The following RAB11B variants were observed in gnomAD, a reference collection of about 807,000 sequenced individuals.
RAB11B encodes the protein ras-related protein Rab-11B.
A neutral mutation model predicts 23.7 loss-of-function variants in RAB11B; 7 were observed. The observed-to-expected ratio is 0.29, with a 90% CI of 0.17 to 0.55. The LOEUF (loss-of-function observed/expected upper bound fraction) is 0.55. Among genes scored for constraint, RAB11B ranks in the 20% least tolerant of loss-of-function variants. The pLI is 0.93. For synonymous variants in RAB11B, 138 were observed against 132.0 expected (o/e 1.05, Z -0.31); for missense variants, 189 against 320.0 (o/e 0.59, Z 3.12).
chr19:8,400,673 G>A (rs1253518261), intron 2 of RAB11B, among the ~76,000 whole-genome samples: 12 of 150,188 alleles, frequency 8.0e-5, no homozygotes, highest in Non-Finnish European at 1.5e-4. Context: ...TGCAACCTCC[G>A]CCTCCTGGGT....
chr19:8,393,432 C>T (rs950208708), intron 1 of RAB11B, among the ~76,000 whole-genome samples: 1 of 152,204 alleles, frequency 6.6e-6, no homozygotes, highest in Non-Finnish European at 1.5e-5. Context: ...CTTGTCCACC[C>T]CTCCCCTGCC....
intron 1 of RAB11B, among the ~76,000 whole-genome samples, chr19:8,391,443 G>C (rs1971352418): frequency 6.6e-6 from 1 of 152,244 alleles, no homozygotes; most frequent in South Asian, 2.1e-4. Context: ...GAGGGACTGA[G>C]GGGGCTCTAG....
intron 2 of RAB11B, 187 bp downstream of exon 2, chr19:8,400,245 C>A: frequency 2.8e-6 from 2 of 704,826 alleles, no homozygotes; most frequent in Non-Finnish European, 2.3e-6. Flanking sequence ...AGCGCCCAGC[C>A]TTCGCCACAC....
At chr19:8,401,985 C>T in intron 2 of RAB11B, 101 bp from the exon 3 acceptor site, 1 of 1,292,518 alleles carries the variant, frequency 7.7e-7, no homozygotes, top group South Asian at 1.5e-5. Flanking sequence ...TGGCTCGGCC[C>T]TGGACGACCC....
intron 4 of RAB11B, among the ~76,000 whole-genome samples, chr19:8,403,087 G>A (rs532273670): frequency 4.3e-4 from 65 of 152,346 alleles, no homozygotes; most frequent in African/African-American, 1.6e-3. Context: ...AGACCCCCTG[G>A]CCCCAGTTCC....
intron 2 of RAB11B, among the ~76,000 whole-genome samples, chr19:8,400,926 C>T (rs148815787): frequency 1.4e-3 from 209 of 144,360 alleles, no homozygotes; most frequent in African/African-American, 5.1e-3. Context: ...GGGTCTTGCT[C>T]TGTCGCCCAG....
intron 3 of RAB11B, 74 bp downstream of exon 3, chr19:8,402,353 G>A: frequency 1.3e-6 from 2 of 1,525,994 alleles, no homozygotes; most frequent in Non-Finnish European, 1.8e-6. Flanking sequence ...TGGGGCCCTG[G>A]CCACAGCCCT....
chr19:8,403,468 G>T lies in RAB11B; in HGVS notation c.567G>T (p.Glu189Asp), dbSNP rs775815753. The T allele has an allele frequency of 6.2e-7, 1 of 1,613,860 alleles. No individual in the cohort carries two copies. Among genetic ancestry groups the T allele is most frequent in the East Asian group, 2.2e-5 (1 of 44,872 alleles). Residue 189 changes from glutamate to aspartate, a missense_variant, in exon 5 of 5, where the codon GAG (glutamate) becomes GAT (aspartate). Coordinates refer to ENST00000328024, the MANE Select transcript of RAB11B (RefSeq NM_004218.4). ...TCGCAGACCGCGCTGCCCACGACGA[G>T]TCCCCGGGGAACAACGTGGTGGACA... ...KQIADRAAHD[E>D]SPGNNVVDIS...
chr19:8,401,568 G>A (rs1476656489), intron 2 of RAB11B, among the ~76,000 whole-genome samples: 1 of 151,390 alleles, frequency 6.6e-6, no homozygotes, highest in Non-Finnish European at 1.5e-5. Flanking sequence ...TGTATTTTTA[G>A]TAGAGATGGG....
At chr19:8,393,910 G>A (rs903652811) in intron 1 of RAB11B, among the ~76,000 whole-genome samples, 3 of 152,194 alleles carry the variant, frequency 2.0e-5, no homozygotes, top group East Asian at 1.9e-4. Flanking sequence ...TTTGCCAACC[G>A]GGCTTGCCTG....
At chr19:8,394,121 C>T (rs1463367226) in intron 1 of RAB11B, among the ~76,000 whole-genome samples, 1 of 152,220 alleles carries the variant, frequency 6.6e-6, no homozygotes, top group Non-Finnish European at 1.5e-5. Flanking sequence ...CCGCTGGCCA[C>T]CTCTCTGCAT....
At chr19:8,392,991 ATTTTT>A (rs34749882) in intron 1 of RAB11B, among the ~76,000 whole-genome samples, 3 of 130,588 alleles carry the variant, frequency 2.3e-5, no homozygotes, top group African/African-American at 2.8e-5. Context: ...TGGCCTCTGC[ATTTTT>A]TTTTTTTTTT....
At chr19:8,391,150 C>T (rs1313090295) in intron 1 of RAB11B, among the ~76,000 whole-genome samples, 2 of 152,310 alleles carry the variant, frequency 1.3e-5, no homozygotes, top group East Asian at 3.9e-4. Context: ...GAGCACTTTA[C>T]CCGAATTAAC....
At position 8,391,855 on chromosome 19, in the gene RAB11B, G is replaced by A. The variant is rs548081406; in HGVS notation, c.40+1399G>A. Among the ~76,000 whole-genome samples the A allele has an allele frequency of 5.3e-4, 80 of 151,922 alleles. 2 individuals carry two copies. The highest frequency in any genetic ancestry group is 1.9e-3 in the African/African-American group (78 of 41,438). On this transcript the variant is annotated intron_variant, in intron 1 of 4. Coordinates refer to ENST00000328024, the MANE Select transcript of RAB11B (RefSeq NM_004218.4). ...GCTGTCCGTGTGGCGAAAGCCTTCC[G>A]GGGGGAGGGAGAGGAAGTGCCTCTA...
chr19:8,403,632 G>C lies in RAB11B; in HGVS notation c.*74G>C. Reference sequence around the variant, plus strand: ...CCACGGTATCCTCTGGCCCCTCCCTGCTGTCCCTCTGTGGCCGGCTCGTTC... The same window carrying C: ...CCACGGTATCCTCTGGCCCCTCCCTCCTGTCCCTCTGTGGCCGGCTCGTTC... On this transcript the variant is annotated 3_prime_UTR_variant, in exon 5 of 5. Coordinates refer to ENST00000328024, the MANE Select transcript of RAB11B (RefSeq NM_004218.4). 1 of 1,538,876 alleles carries C rather than the reference G, an allele frequency of 6.5e-7. No homozygotes were observed. Among genetic ancestry groups the C allele is most frequent in the Non-Finnish European group, 8.8e-7 (1 of 1,138,440 alleles).
intron 1 of RAB11B, among the ~76,000 whole-genome samples, chr19:8,395,843 G>T (rs1019133872): frequency 9.9e-5 from 15 of 152,202 alleles, no homozygotes; most frequent in African/African-American, 3.6e-4. Flanking sequence ...TGGGGTTTGG[G>T]GTAGGACAGT....
At position 8,403,761 on chromosome 19, in the gene RAB11B, T is replaced by G; in HGVS notation, c.*203T>G. ...GGAAAAGCTAGAAGCCCCGGTTTGC[T>G]GCACCCATGAAACTCGGGTCCCCAC... On this transcript the variant is annotated 3_prime_UTR_variant, in exon 5 of 5. Coordinates refer to ENST00000328024, the MANE Select transcript of RAB11B (RefSeq NM_004218.4). 1.4e-6 allele frequency: 1 copy of G among 709,722 alleles called. No individual in the cohort carries two copies. The highest frequency in any genetic ancestry group is 2.1e-6 in the Non-Finnish European group (1 of 466,448). 44.0% of individuals were successfully genotyped at this position (709,722 alleles called of 1,614,324 possible).
intron 1 of RAB11B, among the ~76,000 whole-genome samples, chr19:8,395,313 G>T (rs188943807): frequency 1.5e-5 from 2 of 134,728 alleles, no homozygotes; most frequent in African/African-American, 5.7e-5. Flanking sequence ...TCGCTGTGTC[G>T]CCCAGCTTGG....
At chr19:8,402,001 G>A in intron 2 of RAB11B, 85 bp from the exon 3 acceptor site, 3 of 1,396,332 alleles carry the variant, frequency 2.1e-6, no homozygotes, top group South Asian at 2.9e-5. Context: ...GACCCACCCT[G>A]GGCGTGATGT....
Sources: allele counts gnomAD v4.1 joint callset (sites outside exome capture counted in the v4.1 genomes callset), GRCh38; gene constraint gnomAD v4.1.1; transcripts MANE v1.5; gene names NCBI Gene and HGNC (gene_info 2026-07-23, HGNC 2026-07-21).